The following THSD7B variants were observed in gnomAD, a reference collection of about 807,000 sequenced individuals.
THSD7B encodes thrombospondin type-1 domain-containing protein 7B.
In THSD7B, 138 loss-of-function variants were observed where a neutral mutation model predicts 213.6. The observed-to-expected ratio is 0.65, with a 90% CI of 0.56 to 0.74. The LOEUF (loss-of-function observed/expected upper bound fraction) is 0.74. THSD7B is among the 30% of genes least tolerant of loss of function. The pLI, the probability that THSD7B is intolerant of heterozygous loss-of-function variation, is 0.00. For missense variants in THSD7B, 1,931 were observed against 1,991.5 expected, an observed-to-expected ratio of 0.97 and a Z score of 0.58; for synonymous variants, 742 against 687.0, an observed-to-expected ratio of 1.08 and a Z score of -1.25.
chr2:137,238,207 T>C (rs1681811263), intron 9 of THSD7B, among the ~76,000 whole-genome samples: 1 of 152,166 alleles, frequency 6.6e-6, no homozygotes, highest in African/African-American at 2.4e-5. Flanking sequence ...TATAGAAAGC[T>C]TGAAGTGTTG....
intron 15 of THSD7B, among the ~76,000 whole-genome samples, chr2:137,541,667 C>G (rs1242950961): frequency 6.6e-6 from 1 of 151,538 alleles, no homozygotes; most frequent in African/African-American, 2.4e-5. Flanking sequence ...GATTTTGAAC[C>G]TATTTTAAAT....
chr2:137,597,426 C>T (rs1053564919), intron 17 of THSD7B, among the ~76,000 whole-genome samples: 4 of 150,190 alleles, frequency 2.7e-5, no homozygotes, highest in African/African-American at 7.4e-5. Flanking sequence ...TAATCCAAGA[C>T]GGTCCAATGG....
intron 3 of THSD7B, among the ~76,000 whole-genome samples, chr2:137,078,750 C>T (rs1490776274): frequency 6.6e-6 from 1 of 151,698 alleles, no homozygotes; most frequent in African/African-American, 2.4e-5. Flanking sequence ...ATTAATTTTC[C>T]CCTGATAACT....
chr2:137,668,364 T>C (rs1403867404), intron 27 of THSD7B, among the ~76,000 whole-genome samples: 1 of 152,022 alleles, frequency 6.6e-6, no homozygotes, highest in Non-Finnish European at 1.5e-5. Context: ...TGAAAGAACC[T>C]GTAAGCACAT....
At chr2:136,967,363 T>A (rs1039483357) in intron 2 of THSD7B, among the ~76,000 whole-genome samples, 3 of 152,172 alleles carry the variant, frequency 2.0e-5, no homozygotes, top group African/African-American at 7.2e-5. Context: ...CGTGAAGACA[T>A]TCATTTCTCC....
At chr2:137,094,787 G>C in intron 3 of THSD7B, 86 bp from the exon 4 acceptor site, 6 of 1,487,322 alleles carry the variant, frequency 4.0e-6, no homozygotes, top group Non-Finnish European at 4.5e-6. Flanking sequence ...AAATTTCAGA[G>C]TTTTTTTTCT....
At chr2:137,281,183 G>T (rs1433388569) in intron 12 of THSD7B, among the ~76,000 whole-genome samples, 1 of 151,868 alleles carries the variant, frequency 6.6e-6, no homozygotes, top group Non-Finnish European at 1.5e-5. Context: ...AAATCTTTTT[G>T]TTCTTCTTTA....
chr2:137,445,222 A>G (rs1687512015), intron 14 of THSD7B, among the ~76,000 whole-genome samples: 1 of 152,138 alleles, frequency 6.6e-6, no homozygotes, highest in African/African-American at 2.4e-5. Context: ...GACTAAAAAT[A>G]GAACTACCAT....
intron 20 of THSD7B, among the ~76,000 whole-genome samples, chr2:137,621,508 A>G (rs1017144421): frequency 1.3e-5 from 2 of 152,222 alleles, no homozygotes; most frequent in Non-Finnish European, 2.9e-5. Context: ...TGCAGAAGGC[A>G]ATTGATACTC....
intron 12 of THSD7B, among the ~76,000 whole-genome samples, chr2:137,301,486 C>T (rs937029152): frequency 6.6e-5 from 10 of 151,974 alleles, no homozygotes; most frequent in Non-Finnish European, 1.2e-4. Flanking sequence ...TATATGATAT[C>T]GGCATGGTGA....
intron 12 of THSD7B, among the ~76,000 whole-genome samples, chr2:137,344,568 T>A (rs963881735): frequency 7.3e-5 from 11 of 151,688 alleles, no homozygotes; most frequent in African/African-American, 1.2e-4. Context: ...CCGATCGATT[T>A]TCTCCCATCC....
intron 5 of THSD7B, among the ~76,000 whole-genome samples, chr2:137,122,152 T>A (rs754968890): frequency 5.3e-5 from 8 of 152,328 alleles, no homozygotes; most frequent in Non-Finnish European, 1.2e-4. Context: ...ATGATTTCCA[T>A]AGTTAAATAT....
rs116241672 is a variant in THSD7B at position 137,325,621 on chromosome 2, G to A, written c.2500+49595G>A. On this transcript the variant is annotated intron_variant, in intron 12 of 27. Transcript: ENST00000409968. ...GACACACAAACACACACATGAATACGTTTAGCACAGTGCCCGATACTCTAC... is the reference window on the plus strand; with the variant it reads ...GACACACAAACACACACATGAATACATTTAGCACAGTGCCCGATACTCTAC... Among the ~76,000 whole-genome samples, 808 of 152,122 alleles carry A rather than the reference G, an allele frequency of 5.3e-3. 7 individuals carry two copies. Among genetic ancestry groups the A allele is most frequent in the African/African-American group, 0.018 (754 of 41,502 alleles).
At position 137,047,261 on chromosome 2, in the gene THSD7B, G is replaced by A. The variant is rs1043539215; in HGVS notation, c.140-9159G>A. Among the ~76,000 whole-genome samples, 6 of 152,214 alleles carry A rather than the reference G, an allele frequency of 3.9e-5. No homozygotes were observed. The South Asian group carries it at 8.3e-4, about 21-fold the overall frequency. ...AAATAATGTTTAGGAGACAGAGCTG[G>A]TGGGTGATTGAATCTGATCTTTGTA... On this transcript the variant is annotated intron_variant, in intron 2 of 27. Coordinates refer to ENST00000409968, the MANE Select transcript of THSD7B (RefSeq NM_001316349.2).
chr2:137,648,350 C>T (rs1683075585), intron 21 of THSD7B, among the ~76,000 whole-genome samples: 1 of 151,552 alleles, frequency 6.6e-6, no homozygotes, highest in Non-Finnish European at 1.5e-5. Context: ...TATATTTGTA[C>T]CCATTAATCA....
At chr2:137,408,729 A>G (rs1686583552) in intron 13 of THSD7B, among the ~76,000 whole-genome samples, 1 of 151,986 alleles carries the variant, frequency 6.6e-6, no homozygotes, top group East Asian at 1.9e-4. Context: ...GTTTCCTTTC[A>G]TTTTCAAGCT....
chr2:137,618,967 T>G (rs1417975070), intron 19 of THSD7B, among the ~76,000 whole-genome samples: 1 of 152,230 alleles, frequency 6.6e-6, no homozygotes, highest in African/African-American at 2.4e-5. Flanking sequence ...CAGAGATTTT[T>G]CTTTTCAACC....
chr2:136,979,840 GAC>G (rs1175835370), intron 2 of THSD7B, among the ~76,000 whole-genome samples: 4 of 152,104 alleles, frequency 2.6e-5, no homozygotes, highest in Non-Finnish European at 5.9e-5. Flanking sequence ...TTGGAGAAGA[GAC>G]ACTCTTGCTT....
chr2:137,402,265 A>G (rs1213021935), intron 12 of THSD7B, among the ~76,000 whole-genome samples: 1 of 152,162 alleles, frequency 6.6e-6, no homozygotes, highest in Non-Finnish European at 1.5e-5. Context: ...GAAATTTTCA[A>G]TTACTACCGT....
Sources: gnomAD v4.1 joint callset for allele counts (sites outside exome capture counted in the v4.1 genomes callset) on GRCh38, gnomAD v4.1.1 for gene constraint, MANE v1.5 for transcripts, NCBI Gene and HGNC (gene_info 2026-07-23, HGNC 2026-07-21) for gene names.